The following USP32 variants were observed in gnomAD, a reference collection of about 807,000 sequenced individuals.
USP32 encodes the protein ubiquitin carboxyl-terminal hydrolase 32.
A neutral mutation model predicts 204.8 loss-of-function variants in USP32; 59 were observed. That is an observed-to-expected ratio of 0.29 (90% CI 0.23 to 0.36). The LOEUF (loss-of-function observed/expected upper bound fraction) is 0.36. Ranked by LOEUF, USP32 falls within the 10% of genes least tolerant of loss-of-function variation. The pLI is 1.00. For missense variants in USP32, 1,160 were observed against 1,946.4 expected (o/e 0.60, Z 7.60); for synonymous variants, 517 against 678.4 (o/e 0.76, Z 3.70).
At chr17:60,199,089 C>A (rs1240916584) in intron 26 of USP32, among the ~76,000 whole-genome samples, 1 of 149,888 alleles carries the variant, frequency 6.7e-6, no homozygotes, top group African/African-American at 2.5e-5. Flanking sequence ...GCACTCCAGC[C>A]TGGAAGGTAG....
chr17:60,205,768 A>C, intron 25 of USP32, 110 bp from the exon 26 acceptor site: 1 of 1,121,460 alleles, frequency 8.9e-7, no homozygotes, highest in East Asian at 2.5e-5. Flanking sequence ...AACACAGGGC[A>C]GGGAGAAATC....
At chr17:60,220,675 GCT>G (rs1318792090) in intron 15 of USP32, among the ~76,000 whole-genome samples, 1 of 145,878 alleles carries the variant, frequency 6.9e-6, no homozygotes, top group African/African-American at 2.5e-5. Flanking sequence ...ACACAGTCTC[GCT>G]CTGTCACCCA....
upstream of USP32, among the ~76,000 whole-genome samples, chr17:60,393,718 CCT>C (rs984644619): frequency 2.0e-5 from 3 of 151,686 alleles, no homozygotes; most frequent in African/African-American, 4.9e-5. Flanking sequence ...GAGTTTCACC[CCT>C]GTTGCCCAGG....
At chr17:60,278,929 C>T (rs2086900749) in intron 5 of USP32, among the ~76,000 whole-genome samples, 1 of 152,130 alleles carries the variant, frequency 6.6e-6, no homozygotes, top group African/African-American at 2.4e-5. Flanking sequence ...CAAACTCCAA[C>T]ACTGTGTGTA....
At chr17:60,285,280 A>T (rs771004726) in intron 5 of USP32, among the ~76,000 whole-genome samples, 1 of 152,222 alleles carries the variant, frequency 6.6e-6, no homozygotes, top group Non-Finnish European at 1.5e-5. Flanking sequence ...TAAGCAAAAT[A>T]ATTTTTTAAA....
chr17:60,293,292 T>A (rs2087333251), intron 4 of USP32, among the ~76,000 whole-genome samples: 1 of 152,172 alleles, frequency 6.6e-6, no homozygotes, highest in South Asian at 2.1e-4. Context: ...ATAAACCGTA[T>A]TAAAATGAAA....
chr17:60,326,250 C>T (rs985354305), intron 2 of USP32, among the ~76,000 whole-genome samples: 4 of 151,880 alleles, frequency 2.6e-5, no homozygotes, highest in Non-Finnish European at 5.9e-5. Flanking sequence ...TGCATTTCAT[C>T]ACACCCTCTG....
chr17:60,298,907 G>A (rs1387293916), intron 3 of USP32, among the ~76,000 whole-genome samples: 1 of 152,188 alleles, frequency 6.6e-6, no homozygotes, highest in Non-Finnish European at 1.5e-5. Context: ...AGGATCAGTT[G>A]AGGCCAGCAG....
At chr17:60,186,132 C>T (rs772411170) in intron 29 of USP32, among the ~76,000 whole-genome samples, 14 of 152,192 alleles carry the variant, frequency 9.2e-5, no homozygotes, top group Non-Finnish European at 2.1e-4. Context: ...ACAAATGTTA[C>T]ATCGGTAACA....
chr17:60,264,334 T>G (rs1390066624), intron 9 of USP32, among the ~76,000 whole-genome samples: 1 of 139,616 alleles, frequency 7.2e-6, no homozygotes. Flanking sequence ...CTGGGAAACA[T>G]GGCGAGACCT....
At chr17:60,261,657 T>C (rs541397951) in intron 9 of USP32, among the ~76,000 whole-genome samples, 1 of 150,560 alleles carries the variant, frequency 6.6e-6, no homozygotes. Flanking sequence ...AAAACAAAAA[T>C]AAAAACAAAA....
intron 1 of USP32, among the ~76,000 whole-genome samples, chr17:60,420,611 G>A (rs1438991864): frequency 6.6e-6 from 1 of 152,150 alleles, no homozygotes; most frequent in Non-Finnish European, 1.5e-5. Context: ...AAGTTGCAGT[G>A]AGCCGAGATC....
At chr17:60,271,166 A>G (rs1168083255) in intron 6 of USP32, among the ~76,000 whole-genome samples, 184 bp downstream of exon 6, 2 of 152,250 alleles carry the variant, frequency 1.3e-5, no homozygotes, top group Non-Finnish European at 2.9e-5. Context: ...ATGCAAGGTT[A>G]TAACAGGTAG....
chr17:60,226,346 A>ACAG, intron 12 of USP32, 115 bp from the exon 13 acceptor site: 2 of 949,138 alleles, frequency 2.1e-6, no homozygotes, highest in Non-Finnish European at 2.9e-6. Flanking sequence ...GGTTGGCCAC[A>ACAG]GACATTTAAA....
Position 60,392,025 on chromosome 17 carries a change from G to A in USP32, c.-86C>T. On this transcript the variant is annotated 5_prime_UTR_variant, in exon 1 of 34. Coordinates refer to ENST00000300896, the MANE Select transcript of USP32 (RefSeq NM_032582.4). ...CTTCTCCTCGGCGTCCCTGGGTGACGGTGACGGTGTCGGCGTCCCCCGCCC... is the reference window on the plus strand; with the variant it reads ...CTTCTCCTCGGCGTCCCTGGGTGACAGTGACGGTGTCGGCGTCCCCCGCCC... The A allele has an allele frequency of 3.4e-6, 5 of 1,464,694 alleles. No homozygotes were observed. The highest frequency in any genetic ancestry group is 2.0e-5 in the Admixed American group (1 of 50,614). The allele number at this position is 1,464,694 out of a possible 1,614,324, so 90.7% of individuals were successfully genotyped here.
At chr17:60,421,666 G>T in intron 1 of USP32, 1 of 913,008 alleles carries the variant, frequency 1.1e-6, no homozygotes, top group Non-Finnish European at 1.3e-6. Flanking sequence ...CTGCTGCCGC[G>T]CCAGGGGCGA....
chr17:60,359,645 T>C (rs2089159951), intron 1 of USP32, among the ~76,000 whole-genome samples: 1 of 152,040 alleles, frequency 6.6e-6, no homozygotes, highest in Non-Finnish European at 1.5e-5. Flanking sequence ...ACCCTGTCTC[T>C]ACAAAAAGCA....
intron 4 of USP32, among the ~76,000 whole-genome samples, chr17:60,293,108 A>G (rs1050402342): frequency 7.9e-5 from 12 of 152,292 alleles, no homozygotes; most frequent in African/African-American, 2.6e-4. Flanking sequence ...CATTCTATAT[A>G]AAATAACAAG....
intron 5 of USP32, among the ~76,000 whole-genome samples, chr17:60,275,622 T>C (rs1454726659): frequency 6.6e-6 from 1 of 152,200 alleles, no homozygotes; most frequent in African/African-American, 2.4e-5. Context: ...TTATTTATTT[T>C]TCCTGTTAGG....
Sources: gnomAD v4.1 joint callset for allele counts (sites outside exome capture counted in the v4.1 genomes callset) on GRCh38, gnomAD v4.1.1 for gene constraint, MANE v1.5 for transcripts, NCBI Gene and HGNC (gene_info 2026-07-23, HGNC 2026-07-21) for gene names.